CREB5: variants seen among roughly 807,000 people sequenced by gnomAD.
CREB5 encodes the protein cAMP responsive element binding protein 5.
Under a neutral mutation model 57.1 loss-of-function variants are expected in CREB5, and 19 were observed. The ratio of observed to expected loss-of-function variants is 0.33; its 90% CI spans 0.23 to 0.49. CREB5 has a LOEUF of 0.49. Among genes scored for constraint, CREB5 ranks in the 20% least tolerant of loss-of-function variants. The pLI is 0.99. For missense variants in CREB5, 579 were observed against 671.6 expected (o/e 0.86, Z 1.52); for synonymous variants, 238 against 238.3 (o/e 1.00, Z 0.01).
At chr7:28,811,518 G>A (rs1244214069) in intron 9 of CREB5, among the ~76,000 whole-genome samples, 1 of 152,020 alleles carries the variant, frequency 6.6e-6, no homozygotes, top group African/African-American at 2.4e-5. Context: ...GCCTCCCAAG[G>A]TGCACACCGC....
intron 4 of CREB5, among the ~76,000 whole-genome samples, chr7:28,554,009 C>G (rs984203501): frequency 6.6e-6 from 1 of 152,196 alleles, no homozygotes; most frequent in Non-Finnish European, 1.5e-5. Context: ...GACCCTCACT[C>G]CTGCCTCCTT....
At chr7:28,482,884 A>C (rs1204757212) in intron 1 of CREB5, among the ~76,000 whole-genome samples, 1 of 152,242 alleles carries the variant, frequency 6.6e-6, no homozygotes, top group Non-Finnish European at 1.5e-5. Context: ...AGATTAGAAC[A>C]GCCCTTTTAG....
chr7:28,372,149 C>A (rs1786720288), intron 1 of CREB5, among the ~76,000 whole-genome samples: 1 of 152,158 alleles, frequency 6.6e-6, no homozygotes, highest in Non-Finnish European at 1.5e-5. Context: ...ATTCTCACGG[C>A]AACTCTCTGC....
chr7:28,818,653 A>G (rs1809578953), intron 10 of CREB5: 1 of 433,910 alleles, frequency 2.3e-6, no homozygotes, highest in Admixed American at 2.6e-5. Context: ...TTCAGACCCC[A>G]GTTTCTGCAT....
intron 5 of CREB5, chr7:28,686,188 T>C: frequency 6.2e-7 from 1 of 1,611,800 alleles, no homozygotes; most frequent in Non-Finnish European, 8.5e-7. Flanking sequence ...GCCTCAGTGA[T>C]GTCCATGAGG....
chr7:28,334,943 C>T (rs1442570987), intron 1 of CREB5, among the ~76,000 whole-genome samples: 1 of 152,164 alleles, frequency 6.6e-6, no homozygotes, highest in Admixed American at 6.5e-5. Context: ...TTTCCCAGCA[C>T]CATTTATTGA....
At chr7:28,563,761 T>C (rs1182131495) in intron 4 of CREB5, among the ~76,000 whole-genome samples, 1 of 152,130 alleles carries the variant, frequency 6.6e-6, no homozygotes, top group Non-Finnish European at 1.5e-5. Context: ...CCCCCTGTGC[T>C]CTCCTCTCCT....
At chr7:28,374,732 A>AACT (rs1425539406) in intron 1 of CREB5, among the ~76,000 whole-genome samples, 3 of 152,196 alleles carry the variant, frequency 2.0e-5, no homozygotes, top group Non-Finnish European at 2.9e-5. Context: ...TTCAGTTCCC[A>AACT]ACTCGTCAGT....
At chr7:28,501,725 C>T (rs1159271822) in intron 3 of CREB5, among the ~76,000 whole-genome samples, 1 of 152,206 alleles carries the variant, frequency 6.6e-6, no homozygotes, top group Non-Finnish European at 1.5e-5. Context: ...TTCTTACTAG[C>T]TTAGCCTCAG....
At chr7:28,649,428 T>C (rs191619868) in intron 5 of CREB5, among the ~76,000 whole-genome samples, 1 of 152,342 alleles carries the variant, frequency 6.6e-6, no homozygotes, top group East Asian at 1.9e-4. Flanking sequence ...CATTCATTGA[T>C]GTATTGTCTA....
chr7:28,413,092 A>ATGTGTGTGTGTGTGTGTGTG (rs10599936), intron 1 of CREB5, among the ~76,000 whole-genome samples, 175 bp downstream of exon 1: 17 of 147,324 alleles, frequency 1.2e-4, no homozygotes, highest in Admixed American at 3.4e-4. Flanking sequence ...ATGTGGAAGG[A>ATGTGTGTGTGTGTGTGTGTG]TGTGTGTGTG....
At chr7:28,760,485 C>T (rs1805581423) in intron 7 of CREB5, among the ~76,000 whole-genome samples, 1 of 152,168 alleles carries the variant, frequency 6.6e-6, no homozygotes, top group South Asian at 2.1e-4. Flanking sequence ...CCGATGCTGC[C>T]TCCGCATGTT....
At chr7:28,432,550 C>T (rs969745392) in intron 1 of CREB5, among the ~76,000 whole-genome samples, 5 of 152,116 alleles carry the variant, frequency 3.3e-5, no homozygotes, top group Non-Finnish European at 7.4e-5. Flanking sequence ...AGAACACTCT[C>T]CATCTATTTT....
intron 1 of CREB5, among the ~76,000 whole-genome samples, chr7:28,407,373 G>C (rs1787605897): frequency 6.6e-6 from 1 of 152,148 alleles, no homozygotes; most frequent in Admixed American, 6.5e-5. Flanking sequence ...CTTAACTCAA[G>C]TAATAAAATT....
chr7:28,675,138 C>T (rs1278368420), intron 5 of CREB5, among the ~76,000 whole-genome samples: 4 of 152,190 alleles, frequency 2.6e-5, no homozygotes, highest in Non-Finnish European at 5.9e-5. Context: ...AATATTTGAT[C>T]TAAGAGTCTT....
chr7:28,313,018 A>G (rs2098196), intron 1 of CREB5, among the ~76,000 whole-genome samples: 3,575 of 152,300 alleles, frequency 0.023, 139 homozygotes, highest in African/African-American at 0.082. Flanking sequence ...GACCAGTGGT[A>G]GTTTAGGTCG....
At chr7:28,519,163 C>T (rs908101407) in intron 4 of CREB5, among the ~76,000 whole-genome samples, 1 of 152,132 alleles carries the variant, frequency 6.6e-6, no homozygotes, top group African/African-American at 2.4e-5. Context: ...CTGGAAGAGG[C>T]GTCTTTTTCC....
chr7:28,601,018 G>A (rs534856825), intron 5 of CREB5, among the ~76,000 whole-genome samples: 1 of 152,056 alleles, frequency 6.6e-6, no homozygotes, highest in Non-Finnish European at 1.5e-5. Context: ...TCTAGTTGGG[G>A]GCATTCAATT....
chr7:28,560,909 C>CGCGTGTGTGTGTGTGT, intron 4 of CREB5, among the ~76,000 whole-genome samples: 1 of 32,692 alleles, frequency 3.1e-5, no homozygotes, highest in Non-Finnish European at 5.6e-5. Flanking sequence ...TGCGCGCGTG[C>CGCGTGTGTGTGTGTGT]GTGTGCGTGT....
Sources: gnomAD v4.1 joint callset for allele counts (sites outside exome capture counted in the v4.1 genomes callset) on GRCh38, gnomAD v4.1.1 for gene constraint, MANE v1.5 for transcripts, NCBI Gene and HGNC (gene_info 2026-07-23, HGNC 2026-07-21) for gene names.